The following SCN10A variants were observed in gnomAD, a reference collection of about 807,000 sequenced individuals.
SCN10A encodes the protein sodium voltage-gated channel alpha subunit 10.
Under a neutral mutation model 170.7 loss-of-function variants are expected in SCN10A, and 162 were observed. The observed-to-expected ratio is 0.95, with a 90% CI of 0.84 to 1.08. SCN10A has a LOEUF of 1.08. Among genes scored for constraint, SCN10A ranks in the 50% least tolerant of loss-of-function variants. The pLI is 0.00. For missense variants in SCN10A, 2,527 were observed against 2,436.9 expected, an observed-to-expected ratio of 1.04 and a Z score of -0.78; for synonymous variants, 985 against 904.6, an observed-to-expected ratio of 1.09 and a Z score of -1.59.
At chr3:38,772,708 G>A (rs944815441) in intron 4 of SCN10A, among the ~76,000 whole-genome samples, 3 of 98,690 alleles carry the variant, frequency 3.0e-5, no homozygotes, top group African/African-American at 1.0e-4. Flanking sequence ...AACAACAACA[G>A]CAACAACAAC....
intron 14 of SCN10A, among the ~76,000 whole-genome samples, chr3:38,741,090 T>C (rs1246383662): frequency 1.3e-5 from 2 of 152,022 alleles, no homozygotes; most frequent in Admixed American, 6.6e-5. Context: ...GAGGGAGTGG[T>C]TTCTAGGGAC....
At chr3:38,708,896 A>G (rs2063239813) in intron 25 of SCN10A, among the ~76,000 whole-genome samples, 1 of 152,228 alleles carries the variant, frequency 6.6e-6, no homozygotes, top group Admixed American at 6.5e-5. Context: ...AACAGCGCCT[A>G]TCTACCTCAG....
chr3:38,815,423 C>G lies in SCN10A; in HGVS notation c.-33+614G>C, dbSNP rs531694698. On this transcript the variant is annotated intron_variant, in intron 1 of 27. Transcript: ENST00000449082. ...AGAGTCAATAGGCCTGGAGTGGGGT[C>G]CAAGAGTCTGTGTTTCTAAAAAGTT... Among the ~76,000 whole-genome samples, 176 of 152,272 alleles carry G rather than the reference C, an allele frequency of 1.2e-3. 2 individuals are homozygous for G. Among genetic ancestry groups the G allele is most frequent in the African/African-American group, 3.7e-3 (155 of 41,568 alleles).
At chr3:38,780,833 C>G (rs1370456695) in intron 4 of SCN10A, among the ~76,000 whole-genome samples, 1 of 152,068 alleles carries the variant, frequency 6.6e-6, no homozygotes, top group African/African-American at 2.4e-5. Flanking sequence ...AACAAAGGTA[C>G]AGTGCAGTGG....
chr3:38,752,214 C>G lies in SCN10A; in HGVS notation c.1755+5G>C, dbSNP rs765826592. 2.7e-6 allele frequency: 4 copies of G among 1,506,394 alleles called. No individual in the cohort carries two copies. Among genetic ancestry groups the G allele is most frequent in the Non-Finnish European group, 3.5e-6 (4 of 1,126,848 alleles). 93.3% of individuals were successfully genotyped at this position (1,506,394 alleles called of 1,614,324 possible). A position where few individuals can be genotyped will look rare whatever the true frequency, so the allele number is the denominator to read the frequency against. On this transcript the variant is annotated splice_donor_5th_base_variant and intron_variant, in intron 12 of 27. Coordinates refer to ENST00000449082, the MANE Select transcript of SCN10A (RefSeq NM_006514.4). Reference sequence around the variant, plus strand: ...TGAGGGAGTCTGAAGCATTCACAAACTCACCGAGACATCGACAGCTCCAGG... The same window carrying G: ...TGAGGGAGTCTGAAGCATTCACAAAGTCACCGAGACATCGACAGCTCCAGG...
Position 38,761,081 on chromosome 3 carries a change from G to T in SCN10A, c.883+111C>A, listed in dbSNP as rs74498991. The T allele has an allele frequency of 0.026, 22,826 of 868,614 alleles. 428 individuals carry two copies. The highest frequency in any genetic ancestry group is 0.034 in the Non-Finnish European group (18,858 of 560,566). 53.8% of individuals were successfully genotyped at this position (868,614 alleles called of 1,614,324 possible). A position where few individuals can be genotyped will look rare whatever the true frequency, so the allele number is the denominator to read the frequency against. The stretch of plus-strand genomic sequence containing the variant: ...AAGAGAACCATTTTGGCAGGAAAGG[G>T]GAGTCAAAATATATGTCTATACACA... On this transcript the variant is annotated intron_variant, in intron 7 of 27. Coordinates refer to ENST00000449082, the MANE Select transcript of SCN10A (RefSeq NM_006514.4).
chr3:38,798,096 T>C (rs116565485), intron 1 of SCN10A, among the ~76,000 whole-genome samples: 96 of 152,290 alleles, frequency 6.3e-4, no homozygotes, highest in Non-Finnish European at 1.3e-3. Context: ...GAGAAAACTA[T>C]TGGGGTGCAA....
chr3:38,775,428 G>A (rs929978735), intron 4 of SCN10A, among the ~76,000 whole-genome samples: 21 of 152,128 alleles, frequency 1.4e-4, no homozygotes, highest in East Asian at 1.9e-4. Flanking sequence ...AAAACTGAAT[G>A]ATATTCAATT....
intron 1 of SCN10A, among the ~76,000 whole-genome samples, chr3:38,802,405 C>G (rs1188147766): frequency 6.6e-6 from 1 of 152,168 alleles, no homozygotes; most frequent in African/African-American, 2.4e-5. Flanking sequence ...ACCCAGATGT[C>G]TGACAGAAGT....
intron 18 of SCN10A, among the ~76,000 whole-genome samples, chr3:38,724,061 A>G (rs1294251004): frequency 6.6e-6 from 1 of 152,234 alleles, no homozygotes; most frequent in Non-Finnish European, 1.5e-5. Context: ...TACTGAAAAC[A>G]TTGAGTAGGG....
At position 38,793,754 on chromosome 3, in the gene SCN10A, T is replaced by C. The variant is rs1173154320; in HGVS notation, c.257A>G (p.Tyr86Cys). 1.9e-6 allele frequency: 3 copies of C among 1,613,728 alleles called. No homozygotes were observed. Among genetic ancestry groups the C allele is most frequent in the Non-Finnish European group, 2.5e-6 (3 of 1,179,858 alleles). Reference sequence around the variant, plus strand: ...AGTAGCTCTTACCCGGTGTGTGCTGTAGAACGGATCTAGATCCTCCAGGGG... The same window carrying C: ...AGTAGCTCTTACCCGGTGTGTGCTGCAGAACGGATCTAGATCCTCCAGGGG... ...GEPLEDLDPFYSTHRTFMVLN... is the reference protein window; with the variant it reads ...GEPLEDLDPFCSTHRTFMVLN... Residue 86 changes from tyrosine (Y) to cysteine (C), a missense_variant, in exon 2 of 28, where the codon TAC becomes TGC. By Grantham distance (194) the Tyr-to-Cys change is radical (BLOSUM62 -2). Transcript: ENST00000449082.
chr3:38,806,470 T>A (rs9859214), intron 1 of SCN10A, among the ~76,000 whole-genome samples: 71,811 of 151,918 alleles, frequency 0.47, 18,662 homozygotes, highest in African/African-American at 0.7. Context: ...ATAATAATTT[T>A]AAAAAACCAG....
chr3:38,699,971 C>T (rs1559408125), intron 27 of SCN10A, among the ~76,000 whole-genome samples: 1 of 152,208 alleles, frequency 6.6e-6, no homozygotes, highest in East Asian at 1.9e-4. Context: ...GCCACAGGAA[C>T]TGGTAGTTAA....
intron 4 of SCN10A, among the ~76,000 whole-genome samples, chr3:38,772,290 C>G (rs1297951470): frequency 6.3e-5 from 9 of 142,458 alleles, no homozygotes; most frequent in Non-Finnish European, 1.4e-4. Context: ...AAGGATGCTT[C>G]TAACACCAGA....
chr3:38,792,893 C>T (rs1368610600), intron 2 of SCN10A, among the ~76,000 whole-genome samples: 3 of 152,008 alleles, frequency 2.0e-5, no homozygotes, highest in Admixed American at 2.0e-4. Flanking sequence ...CCCCAAATAA[C>T]TTTTGTTTAT....
intron 20 of SCN10A, among the ~76,000 whole-genome samples, chr3:38,720,760 G>A (rs2063381652): frequency 6.6e-6 from 1 of 152,206 alleles, no homozygotes; most frequent in Admixed American, 6.5e-5. Flanking sequence ...AGGGAGAGCA[G>A]AGAAGCAAAA....
intron 4 of SCN10A, among the ~76,000 whole-genome samples, chr3:38,786,643 A>T (rs958891773): frequency 2.6e-5 from 4 of 152,024 alleles, no homozygotes; most frequent in African/African-American, 9.7e-5. Flanking sequence ...AAAGGGCTTT[A>T]TATATTTGCA....
chr3:38,767,742 A>G (rs2063949191), intron 5 of SCN10A, among the ~76,000 whole-genome samples: 1 of 152,146 alleles, frequency 6.6e-6, no homozygotes, highest in African/African-American at 2.4e-5. Flanking sequence ...TTTTTTAAAT[A>G]TCTGTTAAGT....
intron 1 of SCN10A, among the ~76,000 whole-genome samples, chr3:38,803,583 AGG>A (rs1180969376): frequency 6.9e-6 from 1 of 145,480 alleles, no homozygotes; most frequent in Non-Finnish European, 1.5e-5. Flanking sequence ...TCTCACTCAT[AGG>A]TGGGAATTGA....
Sources: allele counts gnomAD v4.1 joint callset (sites outside exome capture counted in the v4.1 genomes callset), GRCh38; gene constraint gnomAD v4.1.1; transcripts MANE v1.5; gene names NCBI Gene and HGNC (gene_info 2026-07-23, HGNC 2026-07-21).